Variants in NCOR2 observed in about 807,000 individuals in gnomAD.
The protein encoded by NCOR2 is nuclear receptor corepressor 2.
Under a neutral mutation model 262.9 loss-of-function variants are expected in NCOR2, and 81 were observed. The observed-to-expected ratio is 0.31, with a 90% CI of 0.26 to 0.37. The LOEUF (loss-of-function observed/expected upper bound fraction) is 0.37. Ranked by LOEUF, NCOR2 falls within the 10% of genes least tolerant of loss-of-function variation. The pLI, the probability that NCOR2 is intolerant of heterozygous loss-of-function variation, is 1.00. For synonymous variants in NCOR2, 1,659 were observed against 1,559.3 expected, an observed-to-expected ratio of 1.06 and a Z score of -1.51; for missense variants, 3,385 against 3,621.4, an observed-to-expected ratio of 0.93 and a Z score of 1.68.
chr12:124,338,563 C>T (rs1394443895), intron 37 of NCOR2, among the ~76,000 whole-genome samples: 2 of 151,656 alleles, frequency 1.3e-5, no homozygotes, highest in African/African-American at 4.9e-5. Context: ...GTGACCCCAC[C>T]CCCCTGGTGA....
chr12:124,335,764 G>T, intron 38 of NCOR2, 132 bp from the exon 41 acceptor site: 1 of 1,050,314 alleles, frequency 9.5e-7, no homozygotes, highest in Non-Finnish European at 1.3e-6. Context: ...TAGGGTTTGG[G>T]CTCCCAAAGA....
chr12:124,411,703 A>G (rs1474520282), intron 13 of NCOR2, among the ~76,000 whole-genome samples: 1 of 152,166 alleles, frequency 6.6e-6, no homozygotes, highest in Non-Finnish European at 1.5e-5. Flanking sequence ...ACTATAAACC[A>G]CTGTGCCAGC....
chr12:124,382,318 T>C (rs914833344), intron 17 of NCOR2, among the ~76,000 whole-genome samples: 8 of 152,198 alleles, frequency 5.3e-5, no homozygotes, highest in Non-Finnish European at 2.9e-5. Context: ...CTTCCTGTAG[T>C]GGGTCCCTGC....
At chr12:124,468,665 T>C (rs144787242) in intron 4 of NCOR2, among the ~76,000 whole-genome samples, 175 of 3,582 alleles carry the variant, frequency 0.049, 18 homozygotes, top group African/African-American at 0.11. Flanking sequence ...CCCTCATCCT[T>C]ATCACCCCCC....
In NCOR2 at chr12:124,325,147, C is replaced by T. The variant is rs1041760280; in HGVS notation, c.*255G>A. On this transcript the variant is annotated 3_prime_UTR_variant, in exon 47 of 47. Coordinates refer to ENST00000405201, the Ensembl canonical transcript of NCOR2. ...GCCTGCCGTGCCCCCTCCCCGGCCC[C>T]TTCCCCTCCCTTCCCGAGCACCAGG... 4 of 341,990 alleles carry T rather than the reference C, an allele frequency of 1.2e-5. No homozygotes were observed. The East Asian group carries it at 1.7e-4, about 15-fold the overall frequency. The allele number at this position is 341,990 out of a possible 1,614,324, so 21.2% of individuals were successfully genotyped here.
intron 11 of NCOR2, among the ~76,000 whole-genome samples, chr12:124,424,042 A>C (rs1310369062): frequency 1.3e-5 from 2 of 152,106 alleles, no homozygotes; most frequent in Non-Finnish European, 2.9e-5. Context: ...CGGCTCACAC[A>C]GGATGGAAGT....
upstream of NCOR2, among the ~76,000 whole-genome samples, chr12:124,540,442 G>C (rs910022850): frequency 1.1e-5 from 1 of 87,518 alleles, no homozygotes; most frequent in Admixed American, 1.3e-4. Flanking sequence ...TTGGGGAGTA[G>C]AGCTGGAGGG....
At position 124,523,985 on chromosome 12, in the gene NCOR2, C is replaced by T. The variant is rs1210874066; in HGVS notation, c.-118+11580G>A. Among the ~76,000 whole-genome samples the T allele has an allele frequency of 2.6e-5, 4 of 152,322 alleles. No homozygotes were observed. Among genetic ancestry groups the T allele is most frequent in the South Asian group, 2.1e-4 (1 of 4,830 alleles). On this transcript the variant is annotated intron_variant, in intron 1 of 46. Coordinates refer to the NCOR2 transcript ENST00000404621. The surrounding 1 kb of genome is among the most constrained non-coding windows in gnomAD (Gnocchi z 4.0). The stretch of plus-strand genomic sequence containing the variant: ...TTGTTCTCTGAGAAACTGCTGTGGC[C>T]GTGGGCCTTGACTTTCAGAAATGGC...
chr12:124,372,151 G>T lies in NCOR2; in HGVS notation c.2678C>A (p.Ala893Glu), dbSNP rs779227602. ...GCCGCTCCCGCCCTCCTTCTTCTCT[G>T]CCTTGAGCGCCCCCTCGGCCGTGGC... The change falls in exon 20 of 47, where the codon GCA becomes GAA. Residue 893 changes from alanine (A) to glutamate (E), a missense_variant. By Grantham distance (107) the Ala-to-Glu change is moderately radical (BLOSUM62 -1). Around this residue, in one of 5 missense-constraint regions of NCOR2, gnomAD observed 1,615 missense variants for 1,626.9 expected, o/e 0.99. Coordinates refer to ENST00000405201, the Ensembl canonical transcript of NCOR2. The T allele has an allele frequency of 1.5e-4, 238 of 1,601,252 alleles. No individual in the cohort carries two copies. The highest frequency in any genetic ancestry group is 2.0e-4 in the Non-Finnish European group (233 of 1,179,724).
intron 10 of NCOR2, among the ~76,000 whole-genome samples, chr12:124,428,632 G>A (rs1405658716): frequency 2.0e-5 from 3 of 152,208 alleles, no homozygotes; most frequent in Non-Finnish European, 4.4e-5. Context: ...GGAGGTGTTC[G>A]CTGTCTGCTC....
rs189586490 is a variant in NCOR2, at chr12:124,408,368, A to G, written c.1483-5807T>C. 7.9e-5 allele frequency among the ~76,000 whole-genome samples: 12 copies of G among 151,224 alleles called. No individual in the cohort carries two copies. The East Asian group carries it at 2.4e-3, about 30-fold the overall frequency. ...GACTCTGTCTCAAACAAAAATAAAT[A>G]AAAAAAGATATACCAAGGCGTGCTG... On this transcript the variant is annotated intron_variant, in intron 13 of 46. Transcript: ENST00000405201.
rs1304597718 is a variant in NCOR2 at position 124,454,431 on chromosome 12, G to A, written c.762+2675C>T. Among the ~76,000 whole-genome samples the A allele has an allele frequency of 6.6e-5, 10 of 152,156 alleles. No homozygotes were observed. Among genetic ancestry groups the A allele is most frequent in the Non-Finnish European group, 1.2e-4 (8 of 68,028 alleles). On this transcript the variant is annotated intron_variant, in intron 6 of 46. Transcript: ENST00000405201. This position sits in a 1 kb window ranked among gnomAD's most constrained non-coding sequence, Gnocchi z 5.6. ...TCCAAAGAACCAGAGAAGACTCACT[G>A]TGGGGTCCCTGGTTCCAAAGCTTCT... is the stretch of plus-strand genomic sequence containing the variant.
At chr12:124,445,001 C>T (rs1385613496) in intron 7 of NCOR2, among the ~76,000 whole-genome samples, 1 of 152,148 alleles carries the variant, frequency 6.6e-6, no homozygotes, top group Non-Finnish European at 1.5e-5. Flanking sequence ...GACTGATCCC[C>T]CTTTCCGCCT....
intron 1 of NCOR2, among the ~76,000 whole-genome samples, chr12:124,558,897 C>A (rs904426575): frequency 6.6e-6 from 1 of 152,184 alleles, no homozygotes; most frequent in Non-Finnish European, 1.5e-5. Flanking sequence ...CCGCGTGGAG[C>A]CTTTATTATT....
chr12:124,329,086 A>G (rs1295105489), intron 44 of NCOR2: 1 of 470,124 alleles, frequency 2.1e-6, no homozygotes, highest in African/African-American at 2.0e-5. Context: ...ATCTCCATTT[A>G]TAAAGGTGAA....
At chr12:124,506,364 G>A (rs1566007749) in intron 1 of NCOR2, among the ~76,000 whole-genome samples, 3 of 152,130 alleles carry the variant, frequency 2.0e-5, no homozygotes, top group Non-Finnish European at 4.4e-5. Context: ...AGCCTCCGAG[G>A]AGGCCCGTTA....
rs966930492 is a variant in NCOR2 at position 124,432,225 on chromosome 12, GACAC to G, written c.883-1442_883-1439del. Reference sequence around the variant, plus strand: ...GAGTCACACATGTAGACACACAACAGACACACACACATCACACAGGCAGACGACA... The same window carrying G: ...GAGTCACACATGTAGACACACAACAGACACACATCACACAGGCAGACGACA... On this transcript the variant is annotated intron_variant, in intron 8 of 46. Transcript: ENST00000405201. The surrounding 1 kb of genome is among the most constrained non-coding windows in gnomAD (Gnocchi z 5.1). Among the ~76,000 whole-genome samples, 2 of 151,870 alleles carry G rather than the reference GACAC, an allele frequency of 1.3e-5. No homozygotes were observed. Among genetic ancestry groups the G allele is most frequent in the African/African-American group, 4.8e-5 (2 of 41,314 alleles).
chr12:124,337,393 TTC>T (rs2035984239), intron 37 of NCOR2: 1 of 722,436 alleles, frequency 1.4e-6, no homozygotes, highest in African/African-American at 1.7e-5. Context: ...ATTCCAAAAC[TTC>T]TGATTAAGCA....
chr12:124,434,594 C>G (rs139193018), intron 8 of NCOR2, among the ~76,000 whole-genome samples: 1 of 152,112 alleles, frequency 6.6e-6, no homozygotes, highest in African/African-American at 2.4e-5. Flanking sequence ...GCAGCTGCAG[C>G]GATCCTTTTA....
Sources: gnomAD v4.1 joint callset for allele counts (sites outside exome capture counted in the v4.1 genomes callset) on GRCh38, gnomAD v4.1.1 for gene constraint, gnomAD v4.1.1 regional missense constraint, Gnocchi (gnomAD v3.1) non-coding constraint, MANE v1.5 for transcripts, NCBI Gene and HGNC (gene_info 2026-07-23, HGNC 2026-07-21) for gene names.